Variants in RPAP2 observed in about 807,000 individuals in gnomAD.
RPAP2 encodes putative RNA polymerase II subunit B1 CTD phosphatase RPAP2.
RPAP2 carries 52 observed loss-of-function variants against 73.1 expected under a neutral mutation model. The observed-to-expected ratio is 0.71, with a 90% confidence interval of 0.57 to 0.90. RPAP2 has a LOEUF of 0.90. RPAP2 is among the 40% of genes least tolerant of loss of function. The pLI is 0.00. For missense variants in RPAP2, 598 were observed against 701.8 expected (o/e 0.85, Z 1.67); for synonymous variants, 225 against 242.1 (o/e 0.93, Z 0.65).
At chr1:92,344,576 AT>A (rs892641325) in intron 10 of RPAP2, among the ~76,000 whole-genome samples, 2 of 151,320 alleles carry the variant, frequency 1.3e-5, no homozygotes, top group Admixed American at 6.6e-5. Flanking sequence ...TTTAACACAC[AT>A]TTTTTTTATG....
chr1:92,387,785 G>C lies in RPAP2; in HGVS notation c.*774G>C, dbSNP rs918829385. ...GGGGAGCTTAGTGGGCAAGGAGGTAGGGATATAATTTCTCTTCTTGGCTCC... is the reference window on the plus strand; with the variant it reads ...GGGGAGCTTAGTGGGCAAGGAGGTACGGATATAATTTCTCTTCTTGGCTCC... On this transcript the variant is annotated 3_prime_UTR_variant, in exon 13 of 13. Transcript: ENST00000610020. The C allele has an allele frequency of 6.6e-6, 1 of 152,160 alleles. No homozygotes were observed. The highest frequency in any genetic ancestry group is 1.5e-5 in the Non-Finnish European group (1 of 68,036). The allele number at this position is 152,160 out of a possible 1,614,324, so 9.4% of individuals were successfully genotyped here. A position where few individuals can be genotyped will look rare whatever the true frequency, so the allele number is the denominator to read the frequency against.
At chr1:92,344,015 A>G (rs1557614064) in intron 10 of RPAP2, among the ~76,000 whole-genome samples, 1 of 152,214 alleles carries the variant, frequency 6.6e-6, no homozygotes, top group Non-Finnish European at 1.5e-5. Flanking sequence ...CCCAGAAGCA[A>G]CTGCTACTGT....
At chr1:92,382,138 A>T (rs1234365073) in intron 12 of RPAP2, among the ~76,000 whole-genome samples, 1 of 151,898 alleles carries the variant, frequency 6.6e-6, no homozygotes, top group East Asian at 1.9e-4. Context: ...CATGGTGTAT[A>T]TGTGCCACAT....
chr1:92,343,514 A>G (rs1653712331), intron 10 of RPAP2, among the ~76,000 whole-genome samples: 1 of 152,220 alleles, frequency 6.6e-6, no homozygotes, highest in African/African-American at 2.4e-5. Flanking sequence ...TGATGGGGAA[A>G]ATTCAGATTA....
intron 2 of RPAP2, among the ~76,000 whole-genome samples, 168 bp from the exon 3 acceptor site, chr1:92,301,308 A>G (rs1038484043): frequency 5.9e-5 from 9 of 152,194 alleles, no homozygotes; most frequent in African/African-American, 2.2e-4. Flanking sequence ...ACATAGTGAG[A>G]CCTTGTCTCT....
chr1:92,362,487 C>T (rs758719851), intron 11 of RPAP2, among the ~76,000 whole-genome samples: 7 of 152,158 alleles, frequency 4.6e-5, no homozygotes, highest in East Asian at 1.9e-4. Flanking sequence ...TCCCACCATT[C>T]GCTTTGAATG....
intron 11 of RPAP2, among the ~76,000 whole-genome samples, chr1:92,372,655 T>G (rs1024867069): frequency 3.3e-5 from 5 of 152,230 alleles, no homozygotes; most frequent in Admixed American, 6.5e-5. Context: ...GGCTCACACC[T>G]ATAATCCCAG....
chr1:92,352,223 T>C (rs1209420701), intron 11 of RPAP2, among the ~76,000 whole-genome samples: 1 of 152,230 alleles, frequency 6.6e-6, no homozygotes, highest in Non-Finnish European at 1.5e-5. Flanking sequence ...TTATTCTCTC[T>C]AAAAGCTTTG....
chr1:92,385,030 G>T (rs374643329), intron 12 of RPAP2, among the ~76,000 whole-genome samples: 3 of 151,300 alleles, frequency 2.0e-5, no homozygotes, highest in East Asian at 3.9e-4. Flanking sequence ...AGATATGGTT[G>T]CCTACAGGTG....
intron 2 of RPAP2, among the ~76,000 whole-genome samples, 190 bp from the exon 3 acceptor site, chr1:92,301,286 C>A (rs939651264): frequency 6.6e-6 from 1 of 152,002 alleles, no homozygotes; most frequent in Non-Finnish European, 1.5e-5. Context: ...GAGCTCGAGA[C>A]CAGTTTGAGC....
intron 6 of RPAP2, 70 bp from the exon 7 acceptor site, chr1:92,320,529 G>A (rs765887378): frequency 7.7e-5 from 101 of 1,303,876 alleles, no homozygotes; most frequent in Admixed American, 2.3e-4. Context: ...CCCAGCCTCC[G>A]AAAGTGCTGG....
chr1:92,358,619 G>A (rs564313690), intron 11 of RPAP2, among the ~76,000 whole-genome samples: 12 of 151,788 alleles, frequency 7.9e-5, no homozygotes, highest in Admixed American at 2.0e-4. Flanking sequence ...ACAGGGTCTC[G>A]CTCTGTCACC....
intron 12 of RPAP2, among the ~76,000 whole-genome samples, chr1:92,382,618 T>C (rs992124270): frequency 2.6e-5 from 4 of 152,212 alleles, no homozygotes; most frequent in African/African-American, 9.7e-5. Context: ...GATGGGGTTG[T>C]TTGCTTTTTT....
At chr1:92,317,282 G>T (rs1020559177) in intron 6 of RPAP2, among the ~76,000 whole-genome samples, 1 of 152,138 alleles carries the variant, frequency 6.6e-6, no homozygotes, top group African/African-American at 2.4e-5. Context: ...GCCGAGGCGG[G>T]TGAATCATGA....
At chr1:92,358,600 C>G (rs1321957420) in intron 11 of RPAP2, among the ~76,000 whole-genome samples, 1 of 150,948 alleles carries the variant, frequency 6.6e-6, no homozygotes, top group South Asian at 2.1e-4. Flanking sequence ...TATTTTTTTT[C>G]CTTTTGAGAC....
chr1:92,339,209 G>C (rs1341320238), intron 10 of RPAP2, among the ~76,000 whole-genome samples: 2 of 152,066 alleles, frequency 1.3e-5, no homozygotes, highest in East Asian at 3.8e-4. Context: ...GGAAAAAAAT[G>C]TTAGGCTACC....
intron 6 of RPAP2, among the ~76,000 whole-genome samples, chr1:92,311,396 A>C (rs1651588832): frequency 6.6e-6 from 1 of 152,348 alleles, no homozygotes; most frequent in Non-Finnish European, 1.5e-5. Flanking sequence ...GACTAGAGAA[A>C]CTTATACTAC....
intron 6 of RPAP2, among the ~76,000 whole-genome samples, chr1:92,312,526 G>T (rs894088788): frequency 3.9e-5 from 6 of 152,276 alleles, no homozygotes; most frequent in African/African-American, 1.4e-4. Context: ...GATGTTGACA[G>T]CACCTTCATC....
rs1656128770 is a variant in RPAP2 at position 92,394,325 on chromosome 1, G to C, written c.*7314G>C. On this transcript the variant is annotated 3_prime_UTR_variant, in exon 13 of 13. Transcript: ENST00000610020. Reference sequence around the variant, plus strand: ...GTAACATCACACACCAGGGCCTGTGGGGGGTGGGGGGCTAAGGGAGGGATA... The same window carrying C: ...GTAACATCACACACCAGGGCCTGTGCGGGGTGGGGGGCTAAGGGAGGGATA... The C allele has an allele frequency of 6.6e-6, 1 of 152,130 alleles. No homozygotes were observed. Among genetic ancestry groups the C allele is most frequent in the African/African-American group, 2.4e-5 (1 of 41,420 alleles). 9.4% of individuals were successfully genotyped at this position (152,130 alleles called of 1,614,324 possible).
Sources: gnomAD v4.1 joint callset for allele counts (sites outside exome capture counted in the v4.1 genomes callset) on GRCh38, gnomAD v4.1.1 for gene constraint, MANE v1.5 for transcripts, NCBI Gene and HGNC (gene_info 2026-07-23, HGNC 2026-07-21) for gene names.